RGS8: variants seen among roughly 807,000 people sequenced by gnomAD.
RGS8 encodes the protein regulator of G-protein signaling 8.
Under a neutral mutation model 21.7 loss-of-function variants are expected in RGS8, and 8 were observed. That is an observed-to-expected ratio of 0.37 (90% confidence interval 0.22 to 0.66). The LOEUF (loss-of-function observed/expected upper bound fraction) is 0.66. Ranked by LOEUF, RGS8 falls within the 30% of genes least tolerant of loss-of-function variation. RGS8 has a pLI of 0.59. For missense variants in RGS8, 157 were observed against 217.9 expected (o/e 0.72, Z 1.76); for synonymous variants, 80 against 83.6 (o/e 0.96, Z 0.24).
intron 1 of RGS8, among the ~76,000 whole-genome samples, chr1:182,679,630 GC>G (rs1664476519): frequency 6.6e-6 from 1 of 151,854 alleles, no homozygotes; most frequent in African/African-American, 2.4e-5. Context: ...TCCAACTCTA[GC>G]CCCTCTCCCA....
chr1:182,650,468 A>G (rs1662954426), intron 5 of RGS8, among the ~76,000 whole-genome samples: 1 of 152,232 alleles, frequency 6.6e-6, no homozygotes, highest in African/African-American at 2.4e-5. Flanking sequence ...TACTTGCAAG[A>G]GCCAGGAACT....
upstream of RGS8, chr1:182,672,837 T>G: frequency 6.2e-7 from 1 of 1,614,200 alleles, no homozygotes; most frequent in Non-Finnish European, 8.5e-7. Context: ...GTCTTCACAC[T>G]GCCTGCTTCA....
chr1:182,665,460 T>C (rs1373265009), intron 5 of RGS8, among the ~76,000 whole-genome samples: 1 of 152,162 alleles, frequency 6.6e-6, no homozygotes, highest in Non-Finnish European at 1.5e-5. Context: ...CAGTAAGAAA[T>C]TGAGGGGTAA....
downstream of RGS8, chr1:182,643,056 G>A (rs1048177994): frequency 6.6e-6 from 1 of 152,276 alleles, no homozygotes; most frequent in African/African-American, 2.4e-5. Flanking sequence ...CAAGCTTGGA[G>A]GAGACAGGAC....
At chr1:182,683,627 C>CAAAAAAAAA (rs397863359) in intron 1 of RGS8, among the ~76,000 whole-genome samples, 2 of 60,662 alleles carry the variant, frequency 3.3e-5, no homozygotes, top group Non-Finnish European at 7.7e-5. Context: ...TCCCAGTGCT[C>CAAAAAAAAA]AAAAAAAAAA....
the RGS8 span, among the ~76,000 whole-genome samples, chr1:182,696,404 C>T: frequency 6.6e-6 from 1 of 152,124 alleles, no homozygotes; most frequent in Non-Finnish European, 1.5e-5. Flanking sequence ...GTCACCCAGG[C>T]TGGAATGTAG....
intron 5 of RGS8, among the ~76,000 whole-genome samples, chr1:182,649,555 TA>T (rs1662894629): frequency 6.6e-6 from 1 of 152,246 alleles, no homozygotes; most frequent in Non-Finnish European, 1.5e-5. Context: ...TTTAACAAAT[TA>T]ATATGGCTTT....
the RGS8 span, among the ~76,000 whole-genome samples, chr1:182,714,838 C>G: frequency 6.6e-6 from 1 of 152,186 alleles, no homozygotes; most frequent in Non-Finnish European, 1.5e-5. Flanking sequence ...AGAAGCCAAA[C>G]ATCCAGATCA....
intron 3 of RGS8, 82 bp downstream of exon 4, chr1:182,669,542 A>C: frequency 6.2e-7 from 1 of 1,603,712 alleles, no homozygotes; most frequent in Non-Finnish European, 8.5e-7. Context: ...GGCTTGGGCC[A>C]GACTCAAATA....
At chr1:182,670,463 A>T (rs375869992) in intron 2 of RGS8, among the ~76,000 whole-genome samples, 1 of 152,216 alleles carries the variant, frequency 6.6e-6, no homozygotes, top group Non-Finnish European at 1.5e-5. Flanking sequence ...ATTGACTTAC[A>T]GTCTTCCTCT....
chr1:182,659,316 A>T (rs1180138454), intron 5 of RGS8, among the ~76,000 whole-genome samples: 1 of 152,252 alleles, frequency 6.6e-6, no homozygotes, highest in Non-Finnish European at 1.5e-5. Context: ...TCAGCAAGAA[A>T]TTTCCATTAA....
the RGS8 span, among the ~76,000 whole-genome samples, chr1:182,719,453 T>C: frequency 7.2e-6 from 1 of 139,072 alleles, no homozygotes; most frequent in African/African-American, 2.9e-5. Flanking sequence ...TTTTTCTTTT[T>C]CTTTCTTCTT....
downstream of RGS8, chr1:182,646,091 C>G (rs1421479336): frequency 6.6e-6 from 1 of 152,246 alleles, no homozygotes. Context: ...TTAGGGTAGT[C>G]TTGTGAATTT....
chr1:182,739,983 C>T, the RGS8 span, among the ~76,000 whole-genome samples: 3 of 152,176 alleles, frequency 2.0e-5, no homozygotes, highest in Admixed American at 1.3e-4. Flanking sequence ...AACCCCCAAC[C>T]CCCAATTTCT....
intron 5 of RGS8, among the ~76,000 whole-genome samples, chr1:182,648,591 G>C (rs563225213): frequency 2.6e-5 from 4 of 151,980 alleles, no homozygotes; most frequent in African/African-American, 7.2e-5. Context: ...AAAAAAATTA[G>C]CTGGGCATGG....
chr1:182,685,635 G>A (rs1269179008), upstream of RGS8, among the ~76,000 whole-genome samples: 2 of 152,152 alleles, frequency 1.3e-5, no homozygotes, highest in East Asian at 1.9e-4. Context: ...GAGGCAGAGG[G>A]AGGGCAGAAC....
the RGS8 span, among the ~76,000 whole-genome samples, chr1:182,751,603 C>T: frequency 6.8e-6 from 1 of 147,420 alleles, no homozygotes; most frequent in Non-Finnish European, 1.5e-5. Context: ...CTACCACATA[C>T]ATTTAATATT....
intron 5 of RGS8, among the ~76,000 whole-genome samples, chr1:182,660,300 A>C (rs1471334384): frequency 6.6e-6 from 1 of 152,172 alleles, no homozygotes; most frequent in Non-Finnish European, 1.5e-5. Flanking sequence ...GGTAAGTGAC[A>C]GAAGGGGTTA....
intron 5 of RGS8, among the ~76,000 whole-genome samples, chr1:182,649,624 G>A (rs1662898418): frequency 1.3e-5 from 2 of 152,150 alleles, no homozygotes; most frequent in South Asian, 4.1e-4. Context: ...ACCAACACAA[G>A]ATGAGCAGGG....
Sources: allele counts gnomAD v4.1 joint callset (sites outside exome capture counted in the v4.1 genomes callset), GRCh38; gene constraint gnomAD v4.1.1; transcripts MANE v1.5; gene names NCBI Gene and HGNC (gene_info 2026-07-23, HGNC 2026-07-21).